KCNA3: variants seen among roughly 807,000 people sequenced by gnomAD.
KCNA3 encodes the protein potassium voltage-gated channel subfamily A member 3, also known as RP11-284N8.3.
KCNA3 carries 18 observed loss-of-function variants against 34.3 expected under a neutral mutation model. The observed-to-expected ratio is 0.52, with a 90% CI of 0.36 to 0.78. The LOEUF (loss-of-function observed/expected upper bound fraction) is 0.78. KCNA3 is among the 30% of genes least tolerant of loss of function. The pLI, the probability that KCNA3 is intolerant of heterozygous loss-of-function variation, is 0.00. For synonymous variants in KCNA3, 324 were observed against 351.7 expected (o/e 0.92, Z 0.88); for missense variants, 587 against 802.5 (o/e 0.73, Z 3.24).
chr1:110,669,855 A>G (rs534751520), downstream of KCNA3, among the ~76,000 whole-genome samples: 32 of 152,326 alleles, frequency 2.1e-4, 1 homozygote, highest in South Asian at 3.9e-3. Context: ...AAATAGGAAG[A>G]CACTGATTAC....
At chr1:110,670,896 G>A (rs995500125), downstream of KCNA3, among the ~76,000 whole-genome samples, 10 of 151,914 alleles carry the variant, frequency 6.6e-5, no homozygotes, top group Admixed American at 1.3e-4. Context: ...AATACTTCAT[G>A]GGCTTTAAAA....
At chr1:110,657,016 G>A in the KCNA3 span, 1 of 148,486 alleles carries the variant, frequency 6.7e-6, no homozygotes, top group South Asian at 2.2e-4. Flanking sequence ...TTTCTTTCCT[G>A]CATAAGAAAA....
At chr1:110,658,066 G>A in the KCNA3 span, among the ~76,000 whole-genome samples, 8,279 of 152,228 alleles carry the variant, frequency 0.054, 291 homozygotes, top group Middle Eastern at 0.092. Context: ...TTCCTGTAGT[G>A]ATCTAGTCTC....
At chr1:110,659,838 G>A in the KCNA3 span, among the ~76,000 whole-genome samples, 1 of 137,158 alleles carries the variant, frequency 7.3e-6, no homozygotes, top group Non-Finnish European at 1.5e-5. Flanking sequence ...CACAAGGACA[G>A]AAAACCAAAC....
chr1:110,657,431 G>A, the KCNA3 span, among the ~76,000 whole-genome samples: 20 of 152,206 alleles, frequency 1.3e-4, no homozygotes, highest in African/African-American at 4.3e-4. Flanking sequence ...AATCCAGCAC[G>A]CCCATCTTGC....
the KCNA3 span, among the ~76,000 whole-genome samples, chr1:110,662,259 A>G: frequency 6.6e-6 from 1 of 152,132 alleles, no homozygotes; most frequent in African/African-American, 2.4e-5. Context: ...ATAATTGAAG[A>G]TAATTTACCA....
At chr1:110,656,605 A>G in the KCNA3 span, 1 of 152,250 alleles carries the variant, frequency 6.6e-6, no homozygotes, top group Non-Finnish European at 1.5e-5. Flanking sequence ...TGGCAGAGCC[A>G]GCACCACAGC....
chr1:110,671,292 T>C (rs913616627), downstream of KCNA3, among the ~76,000 whole-genome samples: 4 of 152,118 alleles, frequency 2.6e-5, no homozygotes, highest in Non-Finnish European at 5.9e-5. Context: ...CAATGGAAAC[T>C]AAACGACAGT....
the KCNA3 span, among the ~76,000 whole-genome samples, chr1:110,667,003 A>G: frequency 6.6e-6 from 1 of 152,206 alleles, no homozygotes; most frequent in African/African-American, 2.4e-5. Flanking sequence ...AAATGACACC[A>G]TTTAGAAATA....
At chr1:110,659,186 AAC>A in the KCNA3 span, among the ~76,000 whole-genome samples, 122 of 107,504 alleles carry the variant, frequency 1.1e-3, no homozygotes, top group Middle Eastern at 5.0e-3. Context: ...TGAAAAAAAA[AAC>A]ACAAAAAACA....
the KCNA3 span, among the ~76,000 whole-genome samples, chr1:110,658,513 G>A: frequency 6.6e-6 from 1 of 152,164 alleles, no homozygotes; most frequent in South Asian, 2.1e-4. Context: ...CTGCTGAAAT[G>A]TCACAGTAAA....
At chr1:110,663,644 A>C in the KCNA3 span, among the ~76,000 whole-genome samples, 18 of 152,318 alleles carry the variant, frequency 1.2e-4, no homozygotes, top group African/African-American at 4.1e-4. Flanking sequence ...TCATGGCACT[A>C]TCTGCAGTGG....
chr1:110,670,749 C>T (rs12750079), downstream of KCNA3, among the ~76,000 whole-genome samples: 370 of 152,218 alleles, frequency 2.4e-3, 1 homozygote, highest in Middle Eastern at 6.8e-3. Context: ...AAACAAACAA[C>T]AAATCTATGA....
In KCNA3 at chr1:110,672,556, AC is replaced by A. The variant is rs1438466318; in HGVS notation, c.*525del. On this transcript the variant is annotated 3_prime_UTR_variant, in exon 1 of 1. Coordinates refer to ENST00000369769, the MANE Select transcript of KCNA3 (RefSeq NM_002232.5). ...AGGAATTTAAGTCAAAAACCAAATA[AC>A]TCATGGTGGGTTTACAAGTCATTAT... 2 of 152,588 alleles carry A rather than the reference AC, an allele frequency of 1.3e-5. No homozygotes were observed. Among genetic ancestry groups the A allele is most frequent in the African/African-American group, 4.8e-5 (2 of 41,444 alleles). 9.5% of individuals were successfully genotyped at this position (152,588 alleles called of 1,614,324 possible).
At chr1:110,661,352 A>G in the KCNA3 span, among the ~76,000 whole-genome samples, 1 of 152,164 alleles carries the variant, frequency 6.6e-6, no homozygotes, top group African/African-American at 2.4e-5. Flanking sequence ...GGTCACCTTG[A>G]TCTCGCAGAC....
the KCNA3 span, chr1:110,654,636 G>T: frequency 6.6e-6 from 1 of 152,214 alleles, no homozygotes; most frequent in East Asian, 1.9e-4. Context: ...CCTGTGGAAG[G>T]GCTATAGTCT....
chr1:110,658,560 G>A, the KCNA3 span, among the ~76,000 whole-genome samples: 1 of 151,982 alleles, frequency 6.6e-6, no homozygotes, highest in African/African-American at 2.4e-5. Context: ...TCCCCAAATG[G>A]GAAGCCATCT....
chr1:110,674,135 C>CT lies in KCNA3; in HGVS notation c.674dup (p.Tyr226ValfsTer94). On this transcript the variant is annotated frameshift_variant, in exon 1 of 1. Transcript: ENST00000369769. LOFTEE classifies it high-confidence loss of function. The surrounding 1 kb of genome is among the most constrained non-coding windows in gnomAD (Gnocchi z 6.4). ...GGGCCGGCCCGGAGCTCTCGGGGTA[C>CT]TCGAAGAGCAGCCACACCTGGCGCT... The CT allele has an allele frequency of 6.2e-7, 1 of 1,612,744 alleles. No individual in the cohort carries two copies. Among genetic ancestry groups the CT allele is most frequent in the Non-Finnish European group, 8.5e-7 (1 of 1,179,420 alleles).
rs938394981 is a variant in KCNA3 at position 110,674,609 on chromosome 1, G to T, written c.201C>A (p.Ala67=). 2 of 1,562,160 alleles carry T rather than the reference G, an allele frequency of 1.3e-6. No individual in the cohort carries two copies. Among genetic ancestry groups the T allele is most frequent in the Non-Finnish European group, 1.7e-6 (2 of 1,161,040 alleles). ...CTTGAGGCGGGGCCCCTCCACCATC[G>T]GCCACCTCCGGCTCCAGCAGGTGGT... is the stretch of plus-strand genomic sequence containing the variant. ...PGDHLLEPEV[A]DGGGAPPQGG... Residue 67 remains alanine (A), a synonymous_variant, in exon 1 of 1, where the codon GCC becomes GCA. Coordinates refer to ENST00000369769, the MANE Select transcript of KCNA3 (RefSeq NM_002232.5). The surrounding 1 kb of genome is among the most constrained non-coding windows in gnomAD (Gnocchi z 6.4).
Sources: allele counts gnomAD v4.1 joint callset (sites outside exome capture counted in the v4.1 genomes callset), GRCh38; gene constraint gnomAD v4.1.1; non-coding constraint Gnocchi (gnomAD v3.1); transcripts MANE v1.5; gene names NCBI Gene and HGNC (gene_info 2026-07-23, HGNC 2026-07-21).